Variants in OSBPL10 observed in about 807,000 individuals in gnomAD.
OSBPL10 encodes oxysterol binding protein like 10, also known as oxysterol-binding protein-related protein 10.
A neutral mutation model predicts 81.7 loss-of-function variants in OSBPL10; 49 were observed. The ratio of observed to expected loss-of-function variants is 0.60; its 90% CI spans 0.48 to 0.76. The LOEUF (loss-of-function observed/expected upper bound fraction) is 0.76, where lower values mean the gene tolerates loss of function less well. OSBPL10 is among the 30% of genes least tolerant of loss of function. The pLI, the probability that OSBPL10 is intolerant of heterozygous loss-of-function variation, is 0.00. For synonymous variants in OSBPL10, 419 were observed against 383.6 expected (o/e 1.09, Z -1.08); for missense variants, 923 against 987.8 (o/e 0.93, Z 0.88).
At chr3:31,978,382 A>T (rs541510579) in intron 1 of OSBPL10, among the ~76,000 whole-genome samples, 1 of 152,350 alleles carries the variant, frequency 6.6e-6, no homozygotes, top group Admixed American at 6.5e-5. Flanking sequence ...TTCCTGCCAC[A>T]TAGTAGGTGC....
chr3:31,674,624 T>C (rs1700414432), intron 8 of OSBPL10, among the ~76,000 whole-genome samples: 1 of 136,328 alleles, frequency 7.3e-6, no homozygotes, highest in South Asian at 2.3e-4. Flanking sequence ...GATAGATAGA[T>C]AGATGGAAAA....
At chr3:31,865,802 C>A (rs987660074) in intron 3 of OSBPL10, among the ~76,000 whole-genome samples, 2 of 152,178 alleles carry the variant, frequency 1.3e-5, no homozygotes, top group African/African-American at 4.8e-5. Context: ...GAGAATTCAG[C>A]CAATGAGTTA....
intron 3 of OSBPL10, among the ~76,000 whole-genome samples, chr3:31,875,744 A>G (rs1701456441): frequency 6.6e-6 from 1 of 152,232 alleles, no homozygotes; most frequent in South Asian, 2.1e-4. Flanking sequence ...ACAGAAAAAG[A>G]TAGCAGTTGG....
At chr3:31,829,920 T>G (rs1575571431) in intron 4 of OSBPL10, 120 bp downstream of exon 4, 5 of 999,788 alleles carry the variant, frequency 5.0e-6, no homozygotes, top group Non-Finnish European at 1.4e-6. Flanking sequence ...GGCTGGGAGG[T>G]TTGCTGCTGG....
intron 4 of OSBPL10, among the ~76,000 whole-genome samples, chr3:31,792,832 G>A (rs1699061830): frequency 6.9e-6 from 1 of 145,278 alleles, no homozygotes; most frequent in South Asian, 2.2e-4. Flanking sequence ...GTGGGGGTGC[G>A]TTTTGCACTC....
chr3:32,005,649 G>T (rs34121652), intron 2 of OSBPL10, among the ~76,000 whole-genome samples: 1 of 151,952 alleles, frequency 6.6e-6, no homozygotes, highest in Non-Finnish European at 1.5e-5. Context: ...GTGCAGTGTC[G>T]CTGTCTCGGC....
chr3:32,028,937 C>A (rs962718359), intron 2 of OSBPL10, among the ~76,000 whole-genome samples: 1 of 131,300 alleles, frequency 7.6e-6, no homozygotes, highest in Non-Finnish European at 1.6e-5. Flanking sequence ...GACACACACA[C>A]ACACACACAC....
chr3:32,006,066 T>A (rs1699202766), intron 2 of OSBPL10, among the ~76,000 whole-genome samples: 1 of 152,076 alleles, frequency 6.6e-6, no homozygotes, highest in Non-Finnish European at 1.5e-5. Flanking sequence ...CACCTCAGCC[T>A]CCCAAGTAGC....
intron 2 of OSBPL10, among the ~76,000 whole-genome samples, chr3:32,026,413 C>T (rs142839238): frequency 1.2e-3 from 188 of 152,270 alleles, no homozygotes; most frequent in African/African-American, 4.5e-3. Context: ...ATTATAGGTT[C>T]ATGTGACCAT....
At chr3:31,923,220 G>C (rs1041464051) in intron 1 of OSBPL10, among the ~76,000 whole-genome samples, 10 of 152,156 alleles carry the variant, frequency 6.6e-5, no homozygotes, top group African/African-American at 2.2e-4. Flanking sequence ...GTGGAGGAAA[G>C]GGGTGGGGAG....
At chr3:31,773,809 A>C (rs533669792) in intron 4 of OSBPL10, among the ~76,000 whole-genome samples, 1 of 152,348 alleles carries the variant, frequency 6.6e-6, no homozygotes, top group Admixed American at 6.5e-5. Context: ...ACTGCCTGGC[A>C]TCTCTCTTGA....
chr3:31,755,036 C>G (rs1241117434), intron 4 of OSBPL10, among the ~76,000 whole-genome samples: 2 of 152,094 alleles, frequency 1.3e-5, no homozygotes, highest in Admixed American at 6.6e-5. Flanking sequence ...CATTTCAGAG[C>G]CATTGTGGTA....
chr3:31,809,415 C>T (rs1478988200), intron 4 of OSBPL10, among the ~76,000 whole-genome samples: 1 of 152,178 alleles, frequency 6.6e-6, no homozygotes, highest in Admixed American at 6.5e-5. Context: ...TAAAATGCTC[C>T]TGAGGAACAC....
At chr3:31,711,419 A>G (rs1029230135) in intron 6 of OSBPL10, among the ~76,000 whole-genome samples, 1 of 152,236 alleles carries the variant, frequency 6.6e-6, no homozygotes, top group African/African-American at 2.4e-5. Flanking sequence ...TTGTCAGCTT[A>G]CCTTAATCGG....
intron 6 of OSBPL10, among the ~76,000 whole-genome samples, chr3:31,720,488 A>G (rs965664580): frequency 3.9e-5 from 6 of 152,212 alleles, no homozygotes; most frequent in Non-Finnish European, 8.8e-5. Context: ...AACAGGAGCA[A>G]TAGAACAACT....
upstream of OSBPL10, chr3:31,981,369 G>A: frequency 9.9e-7 from 1 of 1,007,654 alleles, no homozygotes; most frequent in East Asian, 3.5e-5. The surrounding 1 kb of genome is among the most constrained non-coding windows in gnomAD (Gnocchi z 4.5). Context: ...CAACGGGGCT[G>A]GATGCAGCTG....
Position 31,803,186 on chromosome 3 carries a change from C to A in OSBPL10, c.729+26854G>T, listed in dbSNP as rs73059403. 6.4e-4 allele frequency among the ~76,000 whole-genome samples: 98 copies of A among 152,076 alleles called. No individual in the cohort carries two copies. In the South Asian group the frequency reaches 9.6e-3, roughly 15 times the overall value. Reference sequence around the variant, plus strand: ...AACAAGAAAGTGGCTTCTGATGGTTCCACTTCCACATGCCAAGCAAAGCTC... The same window carrying A: ...AACAAGAAAGTGGCTTCTGATGGTTACACTTCCACATGCCAAGCAAAGCTC... On this transcript the variant is annotated intron_variant, in intron 4 of 11. Coordinates refer to ENST00000396556, the MANE Select transcript of OSBPL10 (RefSeq NM_017784.5).
At chr3:32,037,493 T>TC in intron 2 of OSBPL10, 1 of 181,390 alleles carries the variant, frequency 5.5e-6, no homozygotes, top group South Asian at 1.1e-4. Context: ...TCTAAAAAAA[T>TC]TTTTTTTTTC....
At chr3:31,998,157 A>G (rs757231352) in intron 2 of OSBPL10, among the ~76,000 whole-genome samples, 6 of 152,150 alleles carry the variant, frequency 3.9e-5, no homozygotes, top group Non-Finnish European at 8.8e-5. Context: ...TCAGGCTCTA[A>G]TAAGGCATCT....
Sources: gnomAD v4.1 joint callset for allele counts (sites outside exome capture counted in the v4.1 genomes callset) on GRCh38, gnomAD v4.1.1 for gene constraint, Gnocchi (gnomAD v3.1) non-coding constraint, MANE v1.5 for transcripts, NCBI Gene and HGNC (gene_info 2026-07-23, HGNC 2026-07-21) for gene names.